The following ABCG1 variants were observed in gnomAD, a reference collection of about 807,000 sequenced individuals.
ABCG1 encodes the protein ATP-binding cassette sub-family G member 1.
In ABCG1, 29 loss-of-function variants were observed where a neutral mutation model predicts 69.2. That is an observed-to-expected ratio of 0.42 (90% CI 0.31 to 0.57). The LOEUF is 0.57. Among genes scored for constraint, ABCG1 ranks in the 20% least tolerant of loss-of-function variants. The pLI is 0.15. For synonymous variants in ABCG1, 370 were observed against 374.8 expected, an observed-to-expected ratio of 0.99 and a Z score of 0.15; for missense variants, 718 against 898.1, an observed-to-expected ratio of 0.80 and a Z score of 2.56.
At chr21:42,293,950 ACCACACACACACTCCACACACACACT>A (rs148484065) in intron 13 of ABCG1, among the ~76,000 whole-genome samples, 27 of 147,142 alleles carry the variant, frequency 1.8e-4, no homozygotes, top group South Asian at 8.8e-4. Context: ...CACCGCCCAC[ACCACACACACACTCCACACACACACT>A]CCACACACAC....
At position 42,254,426 on chromosome 21, in the gene ABCG1, T is replaced by C. The variant is rs528311743; in HGVS notation, c.287-16644T>C. On this transcript the variant is annotated intron_variant, in intron 2 of 14. Transcript: ENST00000398449. ...TGTCCTTTGCACACTAGTGGGCAAATGATACTGTCTTCATTTTATGAGCAG... is the reference window on the plus strand; with the variant it reads ...TGTCCTTTGCACACTAGTGGGCAAACGATACTGTCTTCATTTTATGAGCAG... 6.1e-4 allele frequency among the ~76,000 whole-genome samples: 93 copies of C among 152,186 alleles called. 1 individual carries two copies. The highest frequency in any genetic ancestry group is 1.0e-3 in the Non-Finnish European group (68 of 68,038).
intron 1 of ABCG1, among the ~76,000 whole-genome samples, chr21:42,224,218 G>T (rs1271328202): frequency 6.6e-6 from 1 of 152,154 alleles, no homozygotes; most frequent in African/African-American, 2.4e-5. Flanking sequence ...CCCAGATTTG[G>T]TGTTTTTGGG....
upstream of ABCG1, among the ~76,000 whole-genome samples, chr21:42,216,357 C>T (rs746217111): frequency 2.0e-5 from 3 of 151,362 alleles, no homozygotes; most frequent in Non-Finnish European, 4.4e-5. Context: ...CTAAGCTGGT[C>T]CTGTCGAGAG....
intron 2 of ABCG1, among the ~76,000 whole-genome samples, chr21:42,236,611 T>C (rs1395115797): frequency 1.3e-5 from 2 of 152,248 alleles, no homozygotes; most frequent in East Asian, 3.8e-4. Flanking sequence ...TTCCTTGCAC[T>C]CTTGGGTTTT....
chr21:42,275,811 C>G (rs2068699597), intron 4 of ABCG1, among the ~76,000 whole-genome samples: 1 of 152,268 alleles, frequency 6.6e-6, no homozygotes, highest in African/African-American at 2.4e-5. Flanking sequence ...GGTCCTGTCT[C>G]ACACGGAGGA....
chr21:42,212,012 T>G (rs1425907995), upstream of ABCG1, among the ~76,000 whole-genome samples: 1 of 152,182 alleles, frequency 6.6e-6, no homozygotes, highest in Non-Finnish European at 1.5e-5. Context: ...TGAAACAGGT[T>G]GAAAGGAGCC....
chr21:42,214,803 A>C (rs1011489747), upstream of ABCG1, among the ~76,000 whole-genome samples: 1 of 152,134 alleles, frequency 6.6e-6, no homozygotes, highest in Non-Finnish European at 1.5e-5. Flanking sequence ...CCTTCTCCCC[A>C]TTCTCCTACC....
At chr21:42,247,276 C>A (rs2068147627) in intron 2 of ABCG1, among the ~76,000 whole-genome samples, 1 of 152,122 alleles carries the variant, frequency 6.6e-6, no homozygotes, top group South Asian at 2.1e-4. Context: ...TAGCATGTCC[C>A]TCAATGAGTT....
At chr21:42,260,219 C>A (rs2068383065) in intron 2 of ABCG1, 2 of 1,543,968 alleles carry the variant, frequency 1.3e-6, no homozygotes, top group African/African-American at 1.4e-5. Context: ...CTCACTTCAA[C>A]CCTGCAGGTG....
At chr21:42,207,348 T>C (rs113709987) in intron 2 of ABCG1, among the ~76,000 whole-genome samples, 2,784 of 152,326 alleles carry the variant, frequency 0.018, 85 homozygotes, top group African/African-American at 0.062. Flanking sequence ...TCCTCTGTAC[T>C]TTCCATTCTG....
At chr21:42,283,689 T>G (rs144848292) in intron 6 of ABCG1, among the ~76,000 whole-genome samples, 2,239 of 109,316 alleles carry the variant, frequency 0.02, 65 homozygotes, top group African/African-American at 0.031. Context: ...CCCCACCTCT[T>G]TCCCACCTGG....
upstream of ABCG1, among the ~76,000 whole-genome samples, chr21:42,218,252 A>G (rs949358710): frequency 1.3e-5 from 2 of 152,202 alleles, no homozygotes; most frequent in Non-Finnish European, 2.9e-5. Flanking sequence ...ACATGCAAAC[A>G]ACTGAACAAA....
chr21:42,259,395 T>C, intron 2 of ABCG1: 1 of 1,550,344 alleles, frequency 6.5e-7, no homozygotes, highest in Non-Finnish European at 8.7e-7. Context: ...CTGCGTGTCC[T>C]GCAAAATCGA....
chr21:42,242,516 C>A (rs225449), intron 2 of ABCG1, among the ~76,000 whole-genome samples: 56,992 of 152,000 alleles, frequency 0.37, 10,931 homozygotes, highest in Middle Eastern at 0.45. Flanking sequence ...AACAAAACAA[C>A]ACAAAAACTC....
intron 5 of ABCG1, among the ~76,000 whole-genome samples, chr21:42,279,450 C>T (rs1378389593): frequency 2.0e-5 from 3 of 151,852 alleles, no homozygotes; most frequent in African/African-American, 7.3e-5. Flanking sequence ...GGGGAGCCCT[C>T]CATCCTGGCC....
intron 2 of ABCG1, among the ~76,000 whole-genome samples, chr21:42,251,719 G>A (rs759723302): frequency 4.6e-5 from 7 of 152,320 alleles, no homozygotes; most frequent in East Asian, 1.9e-4. Context: ...AGGCACAGTC[G>A]GTCCTAGAGG....
chr21:42,268,225 G>A lies in ABCG1; in HGVS notation c.287-2845G>A, dbSNP rs2068549070. On this transcript the variant is annotated intron_variant, in intron 2 of 14. Transcript: ENST00000398449. ...GTGCATGTCCATTATGCCAAGAAGT[G>A]GGCTGAGCAGAGCTCAGGGGTGGGA... Among the ~76,000 whole-genome samples, 5 of 152,206 alleles carry A rather than the reference G, an allele frequency of 3.3e-5. No homozygotes were observed. In the South Asian group the frequency reaches 1.0e-3, roughly 31 times the overall value.
chr21:42,272,094 A>C (rs554597455), intron 3 of ABCG1, among the ~76,000 whole-genome samples: 1 of 152,346 alleles, frequency 6.6e-6, no homozygotes, highest in South Asian at 2.1e-4. Context: ...AATTTCATTT[A>C]CTGAAAAAAT....
upstream of ABCG1, among the ~76,000 whole-genome samples, chr21:42,212,639 C>T (rs114633311): frequency 0.018 from 2,722 of 151,880 alleles, 81 homozygotes; most frequent in African/African-American, 0.062. Context: ...GTCTTGAGGA[C>T]ACTGCTTACC....
Sources: allele counts gnomAD v4.1 joint callset (sites outside exome capture counted in the v4.1 genomes callset), GRCh38; gene constraint gnomAD v4.1.1; transcripts MANE v1.5; gene names NCBI Gene and HGNC (gene_info 2026-07-23, HGNC 2026-07-21).